The following MARS1 variants were observed in gnomAD, a reference collection of about 807,000 sequenced individuals.
The protein encoded by MARS1 is methionyl-tRNA synthetase 1.
A neutral mutation model predicts 119.5 loss-of-function variants in MARS1; 80 were observed. That is an observed-to-expected ratio of 0.67 (90% CI 0.56 to 0.81). MARS1 has a LOEUF of 0.81. MARS1 is among the 30% of genes least tolerant of loss of function. The pLI is 0.00. For synonymous variants in MARS1, 418 were observed against 433.4 expected (o/e 0.96, Z 0.44); for missense variants, 945 against 1,116.5 (o/e 0.85, Z 2.19).
At chr12:57,493,318 AATATATT>A (rs1876096563) in intron 7 of MARS1, among the ~76,000 whole-genome samples, 1 of 101,954 alleles carries the variant, frequency 9.8e-6, no homozygotes, top group South Asian at 2.5e-4. Flanking sequence ...TATATTATAT[AATATATT>A]ATATATAATA....
At chr12:57,493,819 A>AT (rs1472434907) in intron 7 of MARS1, among the ~76,000 whole-genome samples, 1 of 1,164 alleles carries the variant, frequency 8.6e-4, no homozygotes, top group Non-Finnish European at 4.6e-3. Flanking sequence ...TGTATATTAT[A>AT]TATATTATAT....
intron 18 of MARS1, 127 bp from the exon 19 acceptor site, chr12:57,515,793 A>T: frequency 1.4e-6 from 1 of 724,966 alleles, no homozygotes; most frequent in Non-Finnish European, 2.4e-6. Context: ...ATCAGCAGAT[A>T]TTAGCTCAGT....
rs143037002 is a variant in MARS1 at position 57,511,120 on chromosome 12, A to C, written c.1369-578A>C. Among the ~76,000 whole-genome samples the C allele has an allele frequency of 4.8e-4, 70 of 146,696 alleles. 1 individual carries two copies. The highest frequency in any genetic ancestry group is 4.7e-3 in the South Asian group (21 of 4,460). ...ACAAGAATGACATGCAAACTTGTGA[A>C]GTGTTCCATATTTTTAAAAATTAAA... is the stretch of plus-strand genomic sequence containing the variant. On this transcript the variant is annotated intron_variant, in intron 11 of 20. Coordinates refer to ENST00000262027, the MANE Select transcript of MARS1 (RefSeq NM_004990.4).
intron 10 of MARS1, among the ~76,000 whole-genome samples, chr12:57,502,871 C>T (rs887976324): frequency 5.3e-5 from 8 of 151,628 alleles, no homozygotes; most frequent in African/African-American, 1.2e-4. Flanking sequence ...ACTAAAAATA[C>T]AAAAATAAGC....
intron 7 of MARS1, 44 bp downstream of exon 7, chr12:57,490,688 G>A: frequency 6.4e-7 from 1 of 1,563,020 alleles, no homozygotes; most frequent in Non-Finnish European, 8.8e-7. Flanking sequence ...ATTTTGTAGT[G>A]GAAATTGTTG....
chr12:57,514,731 T>C lies in MARS1; in HGVS notation c.1979T>C (p.Phe660Ser). The change falls in exon 16 of 21, where the codon TTT becomes TCT. Residue 660 changes from phenylalanine to serine, a missense_variant. Transcript: ENST00000262027. ...LGNFINRAGMFVSKFFGGYVP... is the reference protein window; with the variant it reads ...LGNFINRAGMSVSKFFGGYVP... ...TACTCCCAACCAAGAGCTGGGATGT[T>C]TGTGTCTAAGTTCTTTGGGGGCTAT... is the stretch of plus-strand genomic sequence containing the variant. 6.2e-7 allele frequency: 1 copy of C among 1,614,172 alleles called. No individual in the cohort carries two copies. Among genetic ancestry groups the C allele is most frequent in the Non-Finnish European group, 8.5e-7 (1 of 1,180,044 alleles).
chr12:57,490,439 G>C, intron 6 of MARS1, 60 bp downstream of exon 6: 1 of 1,610,190 alleles, frequency 6.2e-7, no homozygotes, highest in African/African-American at 1.3e-5. Flanking sequence ...GATGGACTTT[G>C]AGCATGGCCA....
chr12:57,494,185 A>C (rs1281888739), intron 7 of MARS1, among the ~76,000 whole-genome samples: 1 of 150,504 alleles, frequency 6.6e-6, no homozygotes, highest in Non-Finnish European at 1.5e-5. Flanking sequence ...CAAACTCCTG[A>C]CCTCAGGGGA....
intron 9 of MARS1, among the ~76,000 whole-genome samples, chr12:57,499,620 G>T (rs7485148): frequency 0.66 from 93,611 of 141,502 alleles, 35,640 homozygotes; most frequent in Non-Finnish European, 0.85. Context: ...AAAAAAAAGG[G>T]CTGGGCGCAG....
In MARS1 at chr12:57,516,539, G is replaced by C; in HGVS notation, c.2661G>C (p.Glu887Asp). The C allele has an allele frequency of 6.2e-7, 1 of 1,607,950 alleles. No homozygotes were observed. The highest frequency in any genetic ancestry group is 1.3e-5 in the African/African-American group (1 of 74,466). ...TAAAGAAACAGTTGGCTGTAGCTGA[G>C]GGGAAACCCCCTGAAGCCCCTAAAG... Reference protein sequence around the residue: ...LDLKKQLAVAEGKPPEAPKGK... With the variant: ...LDLKKQLAVADGKPPEAPKGK... Residue 887 changes from glutamate to aspartate, a missense_variant, in exon 21 of 21, where the codon GAG becomes GAC. Transcript: ENST00000262027.
Position 57,498,613 on chromosome 12 carries a change from C to T in MARS1, c.1081C>T (p.Gln361Ter). ...FDIFGRTTTP[Q>*]QTKITQDIFQ... ...TATTTTTGGTCGCACCACCACTCCA[C>T]AGCAGACCAAGTAAGTTTCCTCTAA... The change falls in exon 9 of 21, where the codon CAG becomes TAG. Residue 361 changes from glutamine to a stop codon, truncating the protein, a stop_gained. Coordinates refer to ENST00000262027, the MANE Select transcript of MARS1 (RefSeq NM_004990.4). LOFTEE classifies it high-confidence loss of function. 1 of 1,614,098 alleles carries T rather than the reference C, an allele frequency of 6.2e-7. No homozygotes were observed. Among genetic ancestry groups the T allele is most frequent in the Non-Finnish European group, 8.5e-7 (1 of 1,179,958 alleles).
chr12:57,516,229 C>CT lies in MARS1; in HGVS notation c.2464-13dup. ...GGATATTTATGGTTGCTGGTGATAACTTTGTTGTTCTCCAGGCAAAAACGT... is the reference window on the plus strand; with the variant it reads ...GGATATTTATGGTTGCTGGTGATAACTTTTGTTGTTCTCCAGGCAAAAACGT... On this transcript the variant is annotated splice_polypyrimidine_tract_variant and intron_variant, in intron 19 of 20. Transcript: ENST00000262027. The CT allele has an allele frequency of 6.2e-7, 1 of 1,611,662 alleles. No individual in the cohort carries two copies. Among genetic ancestry groups the CT allele is most frequent in the Non-Finnish European group, 8.5e-7 (1 of 1,177,790 alleles).
intron 1 of MARS1, chr12:57,488,580 C>T: frequency 1.3e-6 from 2 of 1,550,980 alleles, no homozygotes; most frequent in Non-Finnish European, 1.7e-6. Flanking sequence ...TCTCTCCCCT[C>T]CTAACACACA....
Position 57,488,162 on chromosome 12 carries a change from C to T in MARS1, c.72C>T (p.Gly24=), listed in dbSNP as rs1320124519. 2 of 1,614,146 alleles carry T rather than the reference C, an allele frequency of 1.2e-6. No homozygotes were observed. Among genetic ancestry groups the T allele is most frequent in the Admixed American group, 3.3e-5 (2 of 60,032 alleles). Reference sequence around the variant, plus strand: ...TGGCCGCCGCCGGGAGAGCCCGGGGCAGAGCAGAGGTGCTCATCAGCACTG... The same window carrying T: ...TGGCCGCCGCCGGGAGAGCCCGGGGTAGAGCAGAGGTGCTCATCAGCACTG... ...PVLAAAGRAR[G]RAEVLISTVG... is the part of the protein sequence containing the mutation. The change falls in exon 1 of 21, where the codon GGC becomes GGT. Residue 24 remains glycine (G), a synonymous_variant. Coordinates refer to ENST00000262027, the MANE Select transcript of MARS1 (RefSeq NM_004990.4).
intron 9 of MARS1, chr12:57,500,092 A>G (rs906620555): frequency 1.9e-6 from 1 of 538,960 alleles, no homozygotes. Context: ...ACAAAAGTGA[A>G]TTCTAAAGTG....
In MARS1 at chr12:57,493,931, T is replaced by TTA. The variant is rs377474065; in HGVS notation, c.770+3293_770+3294dup. Among the ~76,000 whole-genome samples the TTA allele has an allele frequency of 2.3e-3, 148 of 65,708 alleles. 9 individuals are homozygous for TTA. The South Asian group carries it at 0.047, about 21-fold the overall frequency. 43.1% of individuals were successfully genotyped at this position (65,708 alleles called of 152,430 possible). A position where few individuals can be genotyped will look rare whatever the true frequency, so the allele number is the denominator to read the frequency against. On this transcript the variant is annotated intron_variant, in intron 7 of 20. Coordinates refer to ENST00000262027, the MANE Select transcript of MARS1 (RefSeq NM_004990.4). ...ATATATATAATATATATAATATATA[T>TTA]TATATATTATATATATATTTTTTAA...
intron 7 of MARS1, among the ~76,000 whole-genome samples, chr12:57,493,349 ATATAT>A (rs1321231182): frequency 2.6e-5 from 2 of 76,270 alleles, no homozygotes; most frequent in Non-Finnish European, 4.5e-5. Flanking sequence ...GTTATATAAT[ATATAT>A]TATATGATAT....
chr12:57,493,789 T>A (rs866461506), intron 7 of MARS1, among the ~76,000 whole-genome samples: 136 of 1,964 alleles, frequency 0.069, 20 homozygotes, highest in African/African-American at 0.21. Context: ...ATATTATATA[T>A]TATATATTAT....
Position 57,490,378 on chromosome 12 carries a change from A to C in MARS1, c.662A>C (p.Glu221Ala). 2 of 1,612,506 alleles carry C rather than the reference A, an allele frequency of 1.2e-6. No homozygotes were observed. The highest frequency in any genetic ancestry group is 1.7e-6 in the Non-Finnish European group (2 of 1,179,936). Residue 221 changes from glutamate to alanine, a missense_variant and splice_region_variant, in exon 6 of 21, where the codon GAG becomes GCG. Transcript: ENST00000262027. Reference sequence around the variant, plus strand: ...GGAAGGGCTGTCACCAATGAGCCTGAGGTTTGGAATAGGGCAGAGCCTTGG... The same window carrying C: ...GGAAGGGCTGTCACCAATGAGCCTGCGGTTTGGAATAGGGCAGAGCCTTGG... ...AEGRAVTNEP[E>A]EEELATLSEE...
Sources: allele counts gnomAD v4.1 joint callset (sites outside exome capture counted in the v4.1 genomes callset), GRCh38; gene constraint gnomAD v4.1.1; transcripts MANE v1.5; gene names NCBI Gene and HGNC (gene_info 2026-07-23, HGNC 2026-07-21).